BPIFB1: variants seen among roughly 807,000 people sequenced by gnomAD.
BPIFB1 encodes the protein BPI fold containing family B member 1, also known as BPI fold-containing family B member 1.
In BPIFB1, 34 loss-of-function variants were observed where a neutral mutation model predicts 55.1. The observed-to-expected ratio is 0.62, with a 90% CI of 0.47 to 0.82. The LOEUF is 0.82. BPIFB1 is among the 40% of genes least tolerant of loss of function. The pLI is 0.00. For synonymous variants in BPIFB1, 236 were observed against 245.3 expected (o/e 0.96, Z 0.35); for missense variants, 532 against 593.1 (o/e 0.90, Z 1.07).
At chr20:33,286,593 C>T (rs1980272937) in intron 2 of BPIFB1, among the ~76,000 whole-genome samples, 1 of 152,244 alleles carries the variant, frequency 6.6e-6, no homozygotes, top group African/African-American at 2.4e-5. Flanking sequence ...GTCCCAGGCA[C>T]AGTGTATCAC....
At chr20:33,307,071 C>T (rs992999647) in intron 15 of BPIFB1, 84 bp downstream of exon 15, 39 of 1,253,586 alleles carry the variant, frequency 3.1e-5, no homozygotes, top group Non-Finnish European at 4.4e-5. Context: ...GCCTGCACTC[C>T]AACCCCAGCC....
At chr20:33,301,848 A>T (rs908014454) in intron 9 of BPIFB1, among the ~76,000 whole-genome samples, 9 of 152,226 alleles carry the variant, frequency 5.9e-5, no homozygotes, top group African/African-American at 2.2e-4. Flanking sequence ...TGGAATCCTT[A>T]TTAACAGGGC....
rs114426843 is a variant in BPIFB1, at chr20:33,308,152, C to G, written c.1395+1165C>G. ...GGAGGTGCTACACACTTTTAAACAA[C>G]CAGATCTCACAAGAGCACACTCACC... On this transcript the variant is annotated intron_variant, in intron 15 of 15. Coordinates refer to ENST00000253354, the MANE Select transcript of BPIFB1 (RefSeq NM_033197.3). 2.0e-3 allele frequency among the ~76,000 whole-genome samples: 301 copies of G among 152,170 alleles called. 1 individual carries two copies. Among genetic ancestry groups the G allele is most frequent in the African/African-American group, 6.8e-3 (282 of 41,510 alleles).
chr20:33,305,110 C>T (rs1408966473), intron 13 of BPIFB1, among the ~76,000 whole-genome samples: 1 of 152,124 alleles, frequency 6.6e-6, no homozygotes, highest in Non-Finnish European at 1.5e-5. Flanking sequence ...CACACAAATA[C>T]ACTCACAGAT....
chr20:33,302,503 T>G, intron 10 of BPIFB1, 91 bp downstream of exon 10: 2 of 1,404,408 alleles, frequency 1.4e-6, no homozygotes, highest in Non-Finnish European at 2.0e-6. Flanking sequence ...GACTAGTGTT[T>G]CATTCCAGCA....
chr20:33,297,158 C>T lies in BPIFB1; in HGVS notation c.598-367C>T, dbSNP rs139746356. Among the ~76,000 whole-genome samples the T allele has an allele frequency of 2.8e-3, 426 of 152,310 alleles. 2 individuals are homozygous for T. Among genetic ancestry groups the T allele is most frequent in the African/African-American group, 2.5e-3 (106 of 41,578 alleles). ...CTGGTCTCAAACTCCTGGCCTCAAGCGATCCACCCACCTTGGCTTCCCAAA... is the reference window on the plus strand; with the variant it reads ...CTGGTCTCAAACTCCTGGCCTCAAGTGATCCACCCACCTTGGCTTCCCAAA... On this transcript the variant is annotated intron_variant, in intron 6 of 15. Coordinates refer to ENST00000253354, the MANE Select transcript of BPIFB1 (RefSeq NM_033197.3).
Position 33,292,927 on chromosome 20 carries a change from G to A in BPIFB1, c.597+939G>A, listed in dbSNP as rs185404131. The stretch of plus-strand genomic sequence containing the variant: ...ACTTTTTTCTTTGATTTTTGTTTTT[G>A]TTTGTTTGTTTTGAGACAGAGTCTT... On this transcript the variant is annotated intron_variant, in intron 6 of 15. Coordinates refer to ENST00000253354, the MANE Select transcript of BPIFB1 (RefSeq NM_033197.3). Among the ~76,000 whole-genome samples, 994 of 152,260 alleles carry A rather than the reference G, an allele frequency of 6.5e-3. 11 individuals carry two copies. The highest frequency in any genetic ancestry group is 0.023 in the African/African-American group (939 of 41,548).
chr20:33,304,121 G>A (rs1218440350), intron 12 of BPIFB1, 96 bp downstream of exon 12: 2 of 1,132,524 alleles, frequency 1.8e-6, no homozygotes. Flanking sequence ...TGGCTGTCAG[G>A]TGAAGGCGGC....
Position 33,309,861 on chromosome 20 carries a change from C to T in BPIFB1, c.*94C>T. ...CATCCCTCTCTGCAATCAATAAACA[C>T]TTGCCTGTGATGCCTGCCGTCTGGA... On this transcript the variant is annotated 3_prime_UTR_variant, in exon 16 of 16. Coordinates refer to ENST00000253354, the MANE Select transcript of BPIFB1 (RefSeq NM_033197.3). The surrounding 1 kb of genome is among the most constrained non-coding windows in gnomAD (Gnocchi z 4.4). The T allele has an allele frequency of 1.7e-6, 2 of 1,205,776 alleles. No homozygotes were observed. The highest frequency in any genetic ancestry group is 1.8e-5 in the Admixed American group (1 of 55,086). The allele number at this position is 1,205,776 out of a possible 1,614,324, so 74.7% of individuals were successfully genotyped here. A position where few individuals can be genotyped will look rare whatever the true frequency, so the allele number is the denominator to read the frequency against.
In BPIFB1 at chr20:33,299,978, C is replaced by T. The variant is rs144447650; in HGVS notation, c.741C>T (p.Tyr247=). 273 of 1,613,982 alleles carry T rather than the reference C, an allele frequency of 1.7e-4. No homozygotes were observed. Among genetic ancestry groups the T allele is most frequent in the Admixed American group, 3.3e-4 (20 of 60,020 alleles). The part of the protein sequence containing the change: ...PAIKGDTIQL[Y]LGAKLLDSQG... ...TCAAGGGTGACACCATTCAGCTCTA[C>T]CTGGGGGTGAGTGTCCCAGGACCTT... Residue 247 remains tyrosine (Y), a synonymous_variant, in exon 8 of 16, where the codon TAC becomes TAT. Coordinates refer to ENST00000253354, the MANE Select transcript of BPIFB1 (RefSeq NM_033197.3).
chr20:33,290,079 G>C lies in BPIFB1; in HGVS notation c.365+87G>C, dbSNP rs1053479937. 18 of 1,044,028 alleles carry C rather than the reference G, an allele frequency of 1.7e-5. No homozygotes were observed. The East Asian group carries it at 4.0e-4, about 23-fold the overall frequency. The allele number at this position is 1,044,028 out of a possible 1,614,324, so 64.7% of individuals were successfully genotyped here. ...CCCGCCCCCACCATGCAGGTGTCTG[G>C]AAAAGAGAGTTCCGAGCAGAGAGAA... is the stretch of plus-strand genomic sequence containing the variant. On this transcript the variant is annotated intron_variant, in intron 4 of 15. Coordinates refer to ENST00000253354, the MANE Select transcript of BPIFB1 (RefSeq NM_033197.3).
intron 14 of BPIFB1, 38 bp from the exon 15 acceptor site, chr20:33,306,873 C>T: frequency 1.3e-6 from 2 of 1,580,592 alleles, no homozygotes; most frequent in Non-Finnish European, 1.7e-6. Context: ...CAGTCTCACC[C>T]CAGGCCCATC....
intron 15 of BPIFB1, among the ~76,000 whole-genome samples, chr20:33,308,324 G>A (rs1412617908): frequency 6.6e-6 from 1 of 152,158 alleles, no homozygotes; most frequent in Admixed American, 6.5e-5. Flanking sequence ...CAGATGTCAA[G>A]TGCAAAGGCC....
chr20:33,287,812 C>G (rs1980318665), intron 2 of BPIFB1, among the ~76,000 whole-genome samples: 1 of 152,170 alleles, frequency 6.6e-6, no homozygotes, highest in African/African-American at 2.4e-5. Context: ...CTGCAGAACT[C>G]ACTCAGCAAA....
At chr20:33,284,676 C>T (rs916869807) in intron 1 of BPIFB1, among the ~76,000 whole-genome samples, 1 of 152,174 alleles carries the variant, frequency 6.6e-6, no homozygotes, top group Non-Finnish European at 1.5e-5. Context: ...AGCGTCTCCC[C>T]TCCCTCCAAG....
In BPIFB1 at chr20:33,291,953, C is replaced by G. The variant is rs1342844697; in HGVS notation, c.562C>G (p.Leu188Val). Residue 188 changes from leucine (L) to valine (V), a missense_variant, in exon 6 of 16, where the codon CTA (leucine) becomes GTA (valine). By Grantham distance (32) the Leu-to-Val change is conservative. Transcript: ENST00000253354. The stretch of plus-strand genomic sequence containing the variant: ...CTTAGCTAAGCAGGTCATGAACCTC[C>G]TAGTGCCATCCCTGCCCAATCTAGT... ...NALAKQVMNL[L>V]VPSLPNLVKN... 1 of 1,614,238 alleles carries G rather than the reference C, an allele frequency of 6.2e-7. No homozygotes were observed. Among genetic ancestry groups the G allele is most frequent in the East Asian group, 2.2e-5 (1 of 44,890 alleles).
rs145976281 is a variant in BPIFB1, at chr20:33,307,775, G to A, written c.1395+788G>A. On this transcript the variant is annotated intron_variant, in intron 15 of 15. Coordinates refer to ENST00000253354, the MANE Select transcript of BPIFB1 (RefSeq NM_033197.3). ...CTAAAAATACAAAAATTAGCTGGGC[G>A]TGATGGCGGGTACCTGTAATCCCAG... is the stretch of plus-strand genomic sequence containing the variant. 1,212 of 152,312 alleles carry A rather than the reference G, an allele frequency of 8.0e-3. 15 individuals are homozygous for A. Among genetic ancestry groups the A allele is most frequent in the East Asian group, 0.037 (192 of 5,174 alleles). The allele number at this position is 152,312 out of a possible 1,614,324, so 9.4% of individuals were successfully genotyped here. A position where few individuals can be genotyped will look rare whatever the true frequency, so the allele number is the denominator to read the frequency against.
chr20:33,288,865 C>A lies in BPIFB1; in HGVS notation c.240C>A (p.Val80=). ...IPVLGSLVNT[V]LKHIIWLKVI... ...TGCTGGGCAGCCTGGTGAACACCGTCCTGAAGCACATCATCTGGTGAGTGG... is the reference window on the plus strand; with the variant it reads ...TGCTGGGCAGCCTGGTGAACACCGTACTGAAGCACATCATCTGGTGAGTGG... Residue 80 remains valine (V), a synonymous_variant, in exon 3 of 16, where the codon GTC becomes GTA. Transcript: ENST00000253354. The A allele has an allele frequency of 1.2e-6, 2 of 1,613,640 alleles. No homozygotes were observed. The highest frequency in any genetic ancestry group is 1.7e-6 in the Non-Finnish European group (2 of 1,179,960).
chr20:33,307,959 A>G (rs1486684251), intron 15 of BPIFB1: 2 of 152,144 alleles, frequency 1.3e-5, no homozygotes, highest in African/African-American at 4.8e-5. Flanking sequence ...GAGACTGGGT[A>G]ATTCATGAAG....
Sources: allele counts gnomAD v4.1 joint callset (sites outside exome capture counted in the v4.1 genomes callset), GRCh38; gene constraint gnomAD v4.1.1; non-coding constraint Gnocchi (gnomAD v3.1); transcripts MANE v1.5; gene names NCBI Gene and HGNC (gene_info 2026-07-23, HGNC 2026-07-21).